The following STXBP5L variants were observed in gnomAD, a reference collection of about 807,000 sequenced individuals.
STXBP5L encodes syntaxin-binding protein 5-like.
STXBP5L carries 65 observed loss-of-function variants against 144.5 expected under a neutral mutation model. The ratio of observed to expected loss-of-function variants is 0.45; its 90% CI spans 0.37 to 0.55. The LOEUF is 0.55. Among genes scored for constraint, STXBP5L ranks in the 20% least tolerant of loss-of-function variants. The pLI is 0.00. For synonymous variants in STXBP5L, 505 were observed against 469.6 expected, an observed-to-expected ratio of 1.08 and a Z score of -0.97; for missense variants, 1,298 against 1,405.5, an observed-to-expected ratio of 0.92 and a Z score of 1.22.
At chr3:121,116,492 ATTG>A (rs1254589775) in intron 6 of STXBP5L, among the ~76,000 whole-genome samples, 1 of 151,888 alleles carries the variant, frequency 6.6e-6, no homozygotes, top group African/African-American at 2.4e-5. Context: ...ATTTTTGTTT[ATTG>A]TTCTTTTCTT....
intron 5 of STXBP5L, among the ~76,000 whole-genome samples, chr3:121,113,385 A>C (rs1358162707): frequency 6.6e-6 from 1 of 152,158 alleles, no homozygotes; most frequent in Non-Finnish European, 1.5e-5. Context: ...ATGACCATCA[A>C]GTTATTTCCT....
At chr3:121,282,420 G>A (rs2051091766) in intron 19 of STXBP5L, 1 of 1,352,702 alleles carries the variant, frequency 7.4e-7, no homozygotes, top group Non-Finnish European at 1.0e-6. Flanking sequence ...TCAGTAATGT[G>A]TTTCTTAAAA....
chr3:121,208,033 T>C (rs1182284042), intron 10 of STXBP5L, among the ~76,000 whole-genome samples: 8 of 152,052 alleles, frequency 5.3e-5, no homozygotes, highest in East Asian at 1.9e-4. Context: ...CACATGCACA[T>C]GTATGTTTAT....
chr3:121,038,411 G>A (rs1394026514), intron 3 of STXBP5L, among the ~76,000 whole-genome samples: 2 of 151,778 alleles, frequency 1.3e-5, no homozygotes, highest in African/African-American at 2.4e-5. Context: ...AACATTTGGA[G>A]GGTTTTCTGG....
rs764191066 is a variant in STXBP5L at position 121,318,497 on chromosome 3, T to C, written c.2133T>C (p.Ser711=). 1.3e-6 allele frequency: 2 copies of C among 1,565,832 alleles called. No individual in the cohort carries two copies. The highest frequency in any genetic ancestry group is 1.2e-5 in the South Asian group (1 of 82,036). The change falls in exon 20 of 27, where the codon AGT becomes AGC. Residue 711 remains serine, a synonymous_variant. Coordinates refer to ENST00000471454, the MANE Select transcript of STXBP5L (RefSeq NM_001308330.2). ...FIAGLTELND[S]PVPLELERCK... is the part of the protein sequence containing the mutation. Reference sequence around the variant, plus strand: ...CAGGTTTAACTGAACTGAATGACAGTCCAGTTCCCCTAGAACTTGAGCGCT... The same window carrying C: ...CAGGTTTAACTGAACTGAATGACAGCCCAGTTCCCCTAGAACTTGAGCGCT...
chr3:121,379,505 A>T (rs942986418), intron 21 of STXBP5L, among the ~76,000 whole-genome samples: 1 of 152,228 alleles, frequency 6.6e-6, no homozygotes, highest in East Asian at 1.9e-4. Flanking sequence ...AAGAGATAGG[A>T]AAAAAATAAT....
Position 120,943,248 on chromosome 3 carries a change from A to G in STXBP5L, c.190-11692A>G, listed in dbSNP as rs554683232. On this transcript the variant is annotated intron_variant, in intron 2 of 26. Transcript: ENST00000471454. ...ACAGATTCCTTAGAGACTAAAGATT[A>G]TATTCACAAGAGGTAGCAGCAATCT... is the stretch of plus-strand genomic sequence containing the variant. 2.0e-5 allele frequency among the ~76,000 whole-genome samples: 3 copies of G among 151,930 alleles called. No individual in the cohort carries two copies. In the South Asian group the frequency reaches 6.2e-4, roughly 31 times the overall value.
rs185438287 is a variant in STXBP5L at position 121,139,356 on chromosome 3, C to A, written c.670-13121C>A. Among the ~76,000 whole-genome samples the A allele has an allele frequency of 4.6e-3, 707 of 152,124 alleles. 2 individuals are homozygous for A. The highest frequency in any genetic ancestry group is 6.9e-3 in the Non-Finnish European group (466 of 67,924). Reference sequence around the variant, plus strand: ...AAGCACTCTCTCTTATAAACATGTACAATTACTATATGTCAACTAAAAAGA... The same window carrying A: ...AAGCACTCTCTCTTATAAACATGTAAAATTACTATATGTCAACTAAAAAGA... On this transcript the variant is annotated intron_variant, in intron 7 of 26. Coordinates refer to ENST00000471454, the MANE Select transcript of STXBP5L (RefSeq NM_001308330.2).
chr3:121,291,512 A>G (rs1435932350), intron 19 of STXBP5L, among the ~76,000 whole-genome samples: 7 of 152,168 alleles, frequency 4.6e-5, no homozygotes, highest in Non-Finnish European at 1.0e-4. Context: ...TGGAATTTCC[A>G]TCAAAATACC....
intron 2 of STXBP5L, among the ~76,000 whole-genome samples, chr3:120,932,465 C>T (rs1412697578): frequency 6.6e-6 from 1 of 152,088 alleles, no homozygotes; most frequent in Non-Finnish European, 1.5e-5. Flanking sequence ...AGTAGTTCAA[C>T]CCAGCAAATC....
intron 5 of STXBP5L, among the ~76,000 whole-genome samples, chr3:121,069,529 G>A (rs921660888): frequency 2.0e-4 from 31 of 152,042 alleles, no homozygotes; most frequent in African/African-American, 7.5e-4. Context: ...TTGCCGGGTT[G>A]TATGACATTT....
chr3:120,996,908 T>C (rs948597784), intron 3 of STXBP5L, among the ~76,000 whole-genome samples: 3 of 152,150 alleles, frequency 2.0e-5, no homozygotes, highest in African/African-American at 2.4e-5. Context: ...ATCACTCAGG[T>C]AATGAGCATA....
chr3:121,216,480 C>G (rs2048781134), intron 10 of STXBP5L, among the ~76,000 whole-genome samples: 1 of 152,190 alleles, frequency 6.6e-6, no homozygotes, highest in African/African-American at 2.4e-5. Context: ...AGGTTCACTC[C>G]AGACCCTCTT....
intron 3 of STXBP5L, among the ~76,000 whole-genome samples, chr3:121,006,032 A>AT: frequency 6.6e-6 from 1 of 152,238 alleles, no homozygotes; most frequent in African/African-American, 2.4e-5. Flanking sequence ...TATTCTGATG[A>AT]TTTGGGGTGG....
intron 3 of STXBP5L, among the ~76,000 whole-genome samples, chr3:120,991,263 A>G (rs1942838271): frequency 6.6e-6 from 1 of 151,702 alleles, no homozygotes; most frequent in Non-Finnish European, 1.5e-5. Flanking sequence ...GAGAAATGCA[A>G]ATCAAAACCA....
At chr3:121,372,947 A>G (rs966731511) in intron 20 of STXBP5L, among the ~76,000 whole-genome samples, 1 of 152,220 alleles carries the variant, frequency 6.6e-6, no homozygotes, top group Admixed American at 6.5e-5. Context: ...TTAAAAGAAT[A>G]AGTAAATTGG....
intron 22 of STXBP5L, among the ~76,000 whole-genome samples, chr3:121,392,432 G>C (rs1279801440): frequency 6.6e-6 from 1 of 152,104 alleles, no homozygotes; most frequent in Non-Finnish European, 1.5e-5. Flanking sequence ...CAGTCCCAAT[G>C]AGATGAACCA....
At chr3:121,045,715 A>C (rs562985783) in intron 5 of STXBP5L, among the ~76,000 whole-genome samples, 180 bp downstream of exon 5, 2 of 152,272 alleles carry the variant, frequency 1.3e-5, no homozygotes, top group Non-Finnish European at 1.5e-5. Flanking sequence ...ATATAGATCC[A>C]GTCACCTACT....
At chr3:121,323,950 G>T (rs997745839) in intron 20 of STXBP5L, among the ~76,000 whole-genome samples, 1 of 152,016 alleles carries the variant, frequency 6.6e-6, no homozygotes, top group Non-Finnish European at 1.5e-5. Context: ...AATGTTGTTT[G>T]TTTTTCTAAT....
Sources: gnomAD v4.1 joint callset for allele counts (sites outside exome capture counted in the v4.1 genomes callset) on GRCh38, gnomAD v4.1.1 for gene constraint, MANE v1.5 for transcripts, NCBI Gene and HGNC (gene_info 2026-07-23, HGNC 2026-07-21) for gene names.